Variants in DENND4C observed in about 807,000 individuals in gnomAD.
DENND4C encodes DENN domain-containing protein 4C.
A neutral mutation model predicts 203.0 loss-of-function variants in DENND4C; 108 were observed. That is an observed-to-expected ratio of 0.53 (90% CI 0.46 to 0.62). The LOEUF is 0.62. Among genes scored for constraint, DENND4C ranks in the 20% least tolerant of loss-of-function variants. The pLI is 0.00. For synonymous variants in DENND4C, 871 were observed against 792.4 expected (o/e 1.10, Z -1.67); for missense variants, 2,481 against 2,301.2 (o/e 1.08, Z -1.60).
Position 19,265,722 on chromosome 9 carries a change from C to A in DENND4C, c.-17-10436C>A, listed in dbSNP as rs149522212. On this transcript the variant is annotated intron_variant, in intron 1 of 32. Transcript: ENST00000434457. ...TGCGGTGTTTGGTTTTCTGTCCTTG[C>A]GATAGTTTGTTCAGAATGATGGTTT... Among the ~76,000 whole-genome samples, 13 of 152,190 alleles carry A rather than the reference C, an allele frequency of 8.5e-5. No homozygotes were observed. In the Middle Eastern group the frequency reaches 0.01, roughly 119 times the overall value.
chr9:19,343,034 G>T (rs548586539), intron 22 of DENND4C, among the ~76,000 whole-genome samples: 5 of 152,094 alleles, frequency 3.3e-5, no homozygotes, highest in Non-Finnish European at 5.9e-5. Context: ...CCACCGTTTG[G>T]CCACTCTTTC....
At chr9:19,370,194 A>C in intron 31 of DENND4C, 1 of 571,368 alleles carries the variant, frequency 1.8e-6, no homozygotes, top group African/African-American at 1.9e-5. Context: ...ACGGTGGCTC[A>C]CACCTGTAAT....
intron 1 of DENND4C, among the ~76,000 whole-genome samples, chr9:19,239,875 T>TG (rs1208991940): frequency 1.3e-5 from 2 of 152,190 alleles, no homozygotes; most frequent in African/African-American, 4.8e-5. Flanking sequence ...CTTGAAAAGA[T>TG]GGTTTATCTT....
At position 19,233,118 on chromosome 9, in the gene DENND4C, A is replaced by G. The variant is rs115304781; in HGVS notation, c.-18+2285A>G. On this transcript the variant is annotated intron_variant, in intron 1 of 32. Coordinates refer to ENST00000434457, the MANE Select transcript of DENND4C (RefSeq NM_001330640.2). The stretch of plus-strand genomic sequence containing the variant: ...AAGTACAGGTTGTAAAGTAAAAAAG[A>G]AAGTTGCTGAGTCAGTGGCAGGTTG... 6.6e-3 allele frequency among the ~76,000 whole-genome samples: 1,012 copies of G among 152,256 alleles called. 10 individuals carry two copies. The highest frequency in any genetic ancestry group is 0.023 in the African/African-American group (963 of 41,554).
In DENND4C at chr9:19,259,133, T is replaced by C. The variant is rs148515425; in HGVS notation, c.-17-17025T>C. The stretch of plus-strand genomic sequence containing the variant: ...TGGTACTTTTAGTTATTTTAAAATA[T>C]ACAATAAATTATTGTTGACTGTAGT... On this transcript the variant is annotated intron_variant, in intron 1 of 32. Transcript: ENST00000434457. 7.5e-3 allele frequency among the ~76,000 whole-genome samples: 1,137 copies of C among 152,306 alleles called. 18 individuals are homozygous for C. Among genetic ancestry groups the C allele is most frequent in the African/African-American group, 0.026 (1,092 of 41,564 alleles).
intron 1 of DENND4C, among the ~76,000 whole-genome samples, chr9:19,246,861 G>GA (rs1039320971): frequency 2.6e-5 from 4 of 151,754 alleles, no homozygotes; most frequent in African/African-American, 4.8e-5. Flanking sequence ...ATGGCAAAAG[G>GA]AAAAAAACAA....
At chr9:19,246,135 G>A (rs565416209) in intron 1 of DENND4C, among the ~76,000 whole-genome samples, 1 of 152,068 alleles carries the variant, frequency 6.6e-6, no homozygotes, top group African/African-American at 2.4e-5. Context: ...TTAGTGTTCT[G>A]TATGTACCAT....
chr9:19,324,712 A>G (rs1007502398), intron 13 of DENND4C, among the ~76,000 whole-genome samples: 8 of 152,100 alleles, frequency 5.3e-5, no homozygotes, highest in East Asian at 3.8e-4. Context: ...CAATTTTTCT[A>G]TTCTTTATTC....
chr9:19,233,506 T>C (rs1821081529), intron 1 of DENND4C, among the ~76,000 whole-genome samples: 1 of 152,202 alleles, frequency 6.6e-6, no homozygotes, highest in Admixed American at 6.5e-5. Flanking sequence ...TTTAAAACAT[T>C]TTCTACATTT....
chr9:19,244,329 C>G (rs777645199), intron 1 of DENND4C, among the ~76,000 whole-genome samples: 2 of 151,762 alleles, frequency 1.3e-5, no homozygotes, highest in African/African-American at 4.8e-5. Flanking sequence ...TCTCGCCTGG[C>G]CTGCTTGTTT....
At chr9:19,333,631 G>T (rs1776313691) in intron 17 of DENND4C, among the ~76,000 whole-genome samples, 2 of 152,144 alleles carry the variant, frequency 1.3e-5, no homozygotes, top group South Asian at 4.1e-4. Flanking sequence ...TATACTTAAA[G>T]TGCCTAGTTC....
intron 3 of DENND4C, among the ~76,000 whole-genome samples, chr9:19,287,772 G>A (rs530785824): frequency 2.2e-4 from 33 of 151,504 alleles, no homozygotes; most frequent in African/African-American, 6.1e-4. Flanking sequence ...TCGCTCTGTC[G>A]CCCAGGCTGG....
chr9:19,355,892 A>G lies in DENND4C; in HGVS notation c.4782-1080A>G, dbSNP rs189697451. ...GGTATATCTCTGTATTTTTTTTCAG[A>G]TCTTCTTTTATGTCCTTTAACACAG... On this transcript the variant is annotated intron_variant, in intron 26 of 32. Coordinates refer to ENST00000434457, the MANE Select transcript of DENND4C (RefSeq NM_001330640.2). 4.1e-3 allele frequency among the ~76,000 whole-genome samples: 616 copies of G among 152,024 alleles called. 4 individuals carry two copies. Among genetic ancestry groups the G allele is most frequent in the Non-Finnish European group, 6.7e-3 (456 of 67,946 alleles).
At chr9:19,307,016 T>C (rs1839818741) in intron 10 of DENND4C, among the ~76,000 whole-genome samples, 1 of 152,078 alleles carries the variant, frequency 6.6e-6, no homozygotes, top group Non-Finnish European at 1.5e-5. Flanking sequence ...ACTGCTGACC[T>C]CAGGTGATCC....
intron 9 of DENND4C, 52 bp downstream of exon 9, chr9:19,300,383 C>G (rs778957255): frequency 7.2e-7 from 1 of 1,392,934 alleles, no homozygotes; most frequent in Non-Finnish European, 9.5e-7. Flanking sequence ...AATTTTTACT[C>G]CAAAGGGAAA....
rs1233109523 is a variant in DENND4C at position 19,295,879 on chromosome 9, A to T, written c.802-129A>T. 3.9e-5 allele frequency: 25 copies of T among 648,298 alleles called. 2 individuals are homozygous for T. In the South Asian group the frequency reaches 5.3e-4, roughly 14 times the overall value. The allele number at this position is 648,298 out of a possible 1,614,324, so 40.2% of individuals were successfully genotyped here. On this transcript the variant is annotated intron_variant, in intron 5 of 32. Transcript: ENST00000434457. Reference sequence around the variant, plus strand: ...TCTCTGGGACAGAAATTTGGGTGAGATTTTTTTTTTCATAATTTATCTGTA... The same window carrying T: ...TCTCTGGGACAGAAATTTGGGTGAGTTTTTTTTTTTCATAATTTATCTGTA...
At chr9:19,351,457 T>C (rs995312640) in intron 24 of DENND4C, among the ~76,000 whole-genome samples, 7 of 152,172 alleles carry the variant, frequency 4.6e-5, no homozygotes, top group Non-Finnish European at 1.0e-4. Context: ...TCTTACTCCA[T>C]GTTACTTTTT....
In DENND4C at chr9:19,336,676, T is replaced by G. The variant is rs1820550299; in HGVS notation, c.2735-10T>G. The G allele has an allele frequency of 1.9e-6, 3 of 1,549,968 alleles. No homozygotes were observed. The highest frequency in any genetic ancestry group is 8.7e-7 in the Non-Finnish European group (1 of 1,146,580). ...ATGAGTTATTGAACTGCTATTGTCCTTATCTTTAGCTCTTCAAAATGTCAC... is the reference window on the plus strand; with the variant it reads ...ATGAGTTATTGAACTGCTATTGTCCGTATCTTTAGCTCTTCAAAATGTCAC... On this transcript the variant is annotated splice_polypyrimidine_tract_variant and intron_variant, in intron 19 of 32. Transcript: ENST00000434457.
At chr9:19,336,448 T>C (rs541560835) in intron 19 of DENND4C, 34 bp downstream of exon 19, 1 of 1,594,494 alleles carries the variant, frequency 6.3e-7, no homozygotes, top group South Asian at 1.1e-5. Context: ...AATTCCTTAC[T>C]GAACCATGAG....
Sources: gnomAD v4.1 joint callset for allele counts (sites outside exome capture counted in the v4.1 genomes callset) on GRCh38, gnomAD v4.1.1 for gene constraint, MANE v1.5 for transcripts, NCBI Gene and HGNC (gene_info 2026-07-23, HGNC 2026-07-21) for gene names.